LRMDA: variants seen among roughly 807,000 people sequenced by gnomAD.
LRMDA encodes leucine rich melanocyte differentiation associated, also known as leucine-rich melanocyte differentiation-associated protein.
A neutral mutation model predicts 29.8 loss-of-function variants in LRMDA; 18 were observed. That is an observed-to-expected ratio of 0.60 (90% CI 0.42 to 0.90). The LOEUF (loss-of-function observed/expected upper bound fraction) is 0.90. Among genes scored for constraint, LRMDA ranks in the 40% least tolerant of loss-of-function variants. The probability of loss-of-function intolerance (pLI) is 0.00; values close to 1 mark genes in which losing one functional copy is unlikely to be tolerated. For missense variants in LRMDA, 273 were observed against 273.9 expected (o/e 1.00, Z 0.02); for synonymous variants, 125 against 109.4 (o/e 1.14, Z -0.89).
chr10:76,330,697 A>G (rs1840894347), intron 6 of LRMDA, among the ~76,000 whole-genome samples: 1 of 152,228 alleles, frequency 6.6e-6, no homozygotes, highest in Admixed American at 6.5e-5. Context: ...CAAAGCACTC[A>G]GCACGTCAAG....
At chr10:76,058,028 A>G (rs1016651557) in intron 4 of LRMDA, among the ~76,000 whole-genome samples, 4 of 152,216 alleles carry the variant, frequency 2.6e-5, no homozygotes, top group Non-Finnish European at 5.9e-5. Flanking sequence ...GAGAGCACCT[A>G]GCATTTGTTG....
chr10:75,505,912 G>A (rs1464663728), intron 2 of LRMDA, among the ~76,000 whole-genome samples: 1 of 152,098 alleles, frequency 6.6e-6, no homozygotes, highest in Non-Finnish European at 1.5e-5. Context: ...TGTTTATTAA[G>A]AGTCTACTAT....
chr10:76,283,657 A>G (rs1451640792), intron 5 of LRMDA, among the ~76,000 whole-genome samples: 1 of 152,144 alleles, frequency 6.6e-6, no homozygotes, highest in Admixed American at 6.5e-5. Flanking sequence ...CCTCATAACA[A>G]CCCCAGAAAG....
chr10:76,391,315 A>C (rs1841721692), intron 6 of LRMDA, among the ~76,000 whole-genome samples: 1 of 152,196 alleles, frequency 6.6e-6, no homozygotes, highest in African/African-American at 2.4e-5. Context: ...ATTTGGCATC[A>C]TGTCCCTGAC....
intron 2 of LRMDA, among the ~76,000 whole-genome samples, chr10:75,503,751 A>G (rs141906420): frequency 1.3e-5 from 2 of 152,166 alleles, no homozygotes; most frequent in East Asian, 3.9e-4. Flanking sequence ...TATTGGGAAT[A>G]AAGTATATAA....
intron 5 of LRMDA, among the ~76,000 whole-genome samples, chr10:76,254,425 TATACTGAA>T (rs1339981415): frequency 6.6e-6 from 1 of 152,136 alleles, no homozygotes; most frequent in South Asian, 2.1e-4. Context: ...TATACTATAC[TATACTGAA>T]ATGCTATAGT....
At chr10:75,705,397 C>G (rs1292011698) in intron 2 of LRMDA, among the ~76,000 whole-genome samples, 5 of 152,190 alleles carry the variant, frequency 3.3e-5, no homozygotes, top group African/African-American at 1.2e-4. Context: ...CAGGAAAAGC[C>G]TTTCTCCAAT....
At chr10:75,584,174 T>C (rs1840629456) in intron 2 of LRMDA, among the ~76,000 whole-genome samples, 1 of 152,140 alleles carries the variant, frequency 6.6e-6, no homozygotes, top group African/African-American at 2.4e-5. Flanking sequence ...CCCATAGGCC[T>C]TTTATTGCTT....
chr10:75,446,803 A>G (rs750714640), intron 2 of LRMDA, among the ~76,000 whole-genome samples: 2 of 152,244 alleles, frequency 1.3e-5, no homozygotes, highest in Non-Finnish European at 2.9e-5. Flanking sequence ...CCTGCCAGCT[A>G]GGAGCATATA....
intron 5 of LRMDA, among the ~76,000 whole-genome samples, chr10:76,106,396 G>A (rs369990736): frequency 4.3e-4 from 65 of 152,314 alleles, no homozygotes; most frequent in East Asian, 1.2e-3. Flanking sequence ...TATCAATAGC[G>A]TATGGAGAAT....
intron 2 of LRMDA, among the ~76,000 whole-genome samples, chr10:75,500,558 A>T (rs532608298): frequency 2.0e-5 from 3 of 152,332 alleles, no homozygotes; most frequent in East Asian, 1.9e-4. Flanking sequence ...TGAGTATATT[A>T]GTCCGTTTTC....
chr10:75,970,440 G>A (rs1846946560), intron 2 of LRMDA, among the ~76,000 whole-genome samples: 1 of 152,190 alleles, frequency 6.6e-6, no homozygotes, highest in African/African-American at 2.4e-5. Flanking sequence ...TCTGCATTCT[G>A]CAAAGGATTT....
At chr10:75,920,717 C>G (rs530178933) in intron 2 of LRMDA, among the ~76,000 whole-genome samples, 2 of 152,310 alleles carry the variant, frequency 1.3e-5, no homozygotes, top group African/African-American at 4.8e-5. Flanking sequence ...AAAACAAAAA[C>G]AACCCCAAAG....
At chr10:75,887,882 G>A (rs1448158141) in intron 2 of LRMDA, among the ~76,000 whole-genome samples, 10 of 152,016 alleles carry the variant, frequency 6.6e-5, no homozygotes, top group African/African-American at 1.9e-4. Context: ...ACCAGCTGCC[G>A]GTTTTTAGTT....
At chr10:75,556,388 A>G (rs1004480347) in intron 2 of LRMDA, among the ~76,000 whole-genome samples, 2 of 152,214 alleles carry the variant, frequency 1.3e-5, no homozygotes, top group Admixed American at 6.5e-5. Context: ...AAACTCTGTG[A>G]ATCTAGAATT....
intron 5 of LRMDA, among the ~76,000 whole-genome samples, chr10:76,150,530 T>TA (rs1850420518): frequency 6.6e-6 from 1 of 152,236 alleles, no homozygotes; most frequent in African/African-American, 2.4e-5. Context: ...AGAATGTTAA[T>TA]AAAACACTAC....
chr10:76,467,484 T>G (rs2132313735), intron 6 of LRMDA, among the ~76,000 whole-genome samples: 1 of 152,288 alleles, frequency 6.6e-6, no homozygotes, highest in East Asian at 1.9e-4. Context: ...TTTTACTTGG[T>G]GCTTATGGTT....
At chr10:76,370,900 A>G (rs1278633780) in intron 6 of LRMDA, among the ~76,000 whole-genome samples, 2 of 152,266 alleles carry the variant, frequency 1.3e-5, no homozygotes, top group East Asian at 3.9e-4. Flanking sequence ...GGTTTCAGGC[A>G]TCCATTAGTG....
intron 2 of LRMDA, among the ~76,000 whole-genome samples, chr10:75,490,055 A>G (rs1458965943): frequency 1.3e-5 from 2 of 152,114 alleles, no homozygotes; most frequent in Non-Finnish European, 2.9e-5. Flanking sequence ...TATGTGGTTC[A>G]TGTCATTTGT....
Sources: gnomAD v4.1 joint callset for allele counts (sites outside exome capture counted in the v4.1 genomes callset) on GRCh38, gnomAD v4.1.1 for gene constraint, MANE v1.5 for transcripts, NCBI Gene and HGNC (gene_info 2026-07-23, HGNC 2026-07-21) for gene names.